The following MICAL3 variants were observed in gnomAD, a reference collection of about 807,000 sequenced individuals.
MICAL3 encodes microtubule associated monooxygenase, calponin and LIM domain containing 3.
In MICAL3, 62 loss-of-function variants were observed where a neutral mutation model predicts 207.4. The observed-to-expected ratio is 0.30, with a 90% CI of 0.24 to 0.37. MICAL3 has a LOEUF of 0.37. MICAL3 is among the 10% of genes least tolerant of loss of function. The pLI, the probability that MICAL3 is intolerant of heterozygous loss-of-function variation, is 1.00. For missense variants in MICAL3, 2,368 were observed against 2,635.6 expected (o/e 0.90, Z 2.22); for synonymous variants, 1,077 against 1,069.3 (o/e 1.01, Z -0.14).
At chr22:17,990,256 C>T (rs933034831) in intron 1 of MICAL3, among the ~76,000 whole-genome samples, 2 of 152,142 alleles carry the variant, frequency 1.3e-5, no homozygotes, top group Admixed American at 6.5e-5. Context: ...AAGAACTCCC[C>T]CTTGGAGGGC....
At chr22:17,820,834 T>C (rs1921507193) in intron 25 of MICAL3, among the ~76,000 whole-genome samples, 1 of 147,480 alleles carries the variant, frequency 6.8e-6, no homozygotes, top group Non-Finnish European at 1.5e-5. Context: ...TAATATATTA[T>C]AAATTTATAA....
rs747284771 is a variant in MICAL3 at position 17,884,357 on chromosome 22, A to C, written c.2241+1521T>G. 3.8e-6 allele frequency: 6 copies of C among 1,590,306 alleles called. No homozygotes were observed. In the South Asian group the frequency reaches 6.8e-5, roughly 18 times the overall value. ...CTGGCTGGCCCCACGCTCTTGTGTC[A>C]GCTGGGACACACAGGCCAAGTGTGG... On this transcript the variant is annotated intron_variant, in intron 16 of 31. Transcript: ENST00000441493.
chr22:17,955,257 G>A (rs906073059), intron 1 of MICAL3, among the ~76,000 whole-genome samples: 1 of 152,144 alleles, frequency 6.6e-6, no homozygotes, highest in Non-Finnish European at 1.5e-5. Flanking sequence ...GGGTAGAAGA[G>A]GAAAGCAGGC....
intron 1 of MICAL3, among the ~76,000 whole-genome samples, chr22:18,022,748 T>C (rs1924565486): frequency 6.6e-6 from 1 of 152,126 alleles, no homozygotes; most frequent in African/African-American, 2.4e-5. Flanking sequence ...GCTTTCTAAG[T>C]GTCCATTCTC....
intron 1 of MICAL3, among the ~76,000 whole-genome samples, chr22:18,010,722 G>A (rs1376387696): frequency 1.3e-5 from 2 of 152,202 alleles, no homozygotes; most frequent in Non-Finnish European, 2.9e-5. Flanking sequence ...CTGCCGGGAG[G>A]TGGAGACCTG....
chr22:17,948,793 G>A (rs1325968534), intron 1 of MICAL3, among the ~76,000 whole-genome samples: 1 of 151,742 alleles, frequency 6.6e-6, no homozygotes, highest in Admixed American at 6.6e-5. Flanking sequence ...TGTGCCTGTA[G>A]TCCCAGCTAC....
At chr22:17,986,752 G>A (rs1921058914) in intron 1 of MICAL3, among the ~76,000 whole-genome samples, 1 of 152,132 alleles carries the variant, frequency 6.6e-6, no homozygotes. Flanking sequence ...TACTCATAAG[G>A]AATTAAGGAA....
chr22:17,987,590 G>C (rs1269959498), intron 1 of MICAL3, among the ~76,000 whole-genome samples: 2 of 152,220 alleles, frequency 1.3e-5, no homozygotes, highest in African/African-American at 2.4e-5. Flanking sequence ...CACCTGTATG[G>C]AACAGCTGCC....
In MICAL3 at chr22:17,796,484, A is replaced by C. The variant is rs1879712083; in HGVS notation, c.5651-5183T>G. Among the ~76,000 whole-genome samples, 1 of 152,250 alleles carries C rather than the reference A, an allele frequency of 6.6e-6. No individual in the cohort carries two copies. Among genetic ancestry groups the C allele is most frequent in the Admixed American group, 6.5e-5 (1 of 15,286 alleles). On this transcript the variant is annotated intron_variant, in intron 29 of 31. Transcript: ENST00000441493. The surrounding 1 kb of genome is among the most constrained non-coding windows in gnomAD (Gnocchi z 4.4). ...TGTGGCTGCCAGGATGGGCAAATTC[A>C]AATGAGGGTTCTGAGGCTCAACGGA... is the stretch of plus-strand genomic sequence containing the variant.
rs1347229853 is a variant in MICAL3, at chr22:17,821,488, G to A, written c.3470C>T (p.Pro1157Leu). The A allele has an allele frequency of 6.5e-7, 1 of 1,541,236 alleles. No homozygotes were observed. The highest frequency in any genetic ancestry group is 8.7e-7 in the Non-Finnish European group (1 of 1,144,780). ...AGCTGATTCCTGGGGAGACCGGATG[G>A]GGCTGGTGGCTTGGGAGGGACCTGA... ...QERGPSQATS[P>L]IRSPQESALL... Residue 1157 changes from proline to leucine, a missense_variant, in exon 25 of 32, where the codon CCC becomes CTC. By Grantham distance (98) the Pro-to-Leu change is moderately conservative. Transcript: ENST00000441493.
intron 26 of MICAL3, 90 bp from the exon 27 acceptor site, chr22:17,816,874 G>A: frequency 2.1e-6 from 2 of 940,044 alleles, no homozygotes; most frequent in Non-Finnish European, 3.3e-6. Flanking sequence ...AGCCAAGGAG[G>A]CCGGGTGGGG....
chr22:18,010,818 T>G (rs1399289694), intron 1 of MICAL3, among the ~76,000 whole-genome samples: 1 of 152,030 alleles, frequency 6.6e-6, no homozygotes, highest in Admixed American at 6.6e-5. Flanking sequence ...GGGAGTTGGG[T>G]GTTTCAAAAT....
rs140979666 is a variant in MICAL3, at chr22:17,918,878, C to T, written c.-74-11992G>A. Reference sequence around the variant, plus strand: ...GGACTCTTCTACGCTCCAGAAATAACAGCAGTGAACAGAGAAAACAAGCTC... The same window carrying T: ...GGACTCTTCTACGCTCCAGAAATAATAGCAGTGAACAGAGAAAACAAGCTC... On this transcript the variant is annotated intron_variant, in intron 1 of 31. Coordinates refer to ENST00000441493, the MANE Select transcript of MICAL3 (RefSeq NM_015241.3). Among the ~76,000 whole-genome samples, 66 of 152,304 alleles carry T rather than the reference C, an allele frequency of 4.3e-4. 1 individual carries two copies. Among genetic ancestry groups the T allele is most frequent in the African/African-American group, 1.6e-3 (66 of 41,550 alleles).
chr22:17,873,802 C>A (rs895520632), intron 16 of MICAL3, among the ~76,000 whole-genome samples: 1 of 152,268 alleles, frequency 6.6e-6, no homozygotes, highest in Non-Finnish European at 1.5e-5. Context: ...CTTGACCTGT[C>A]CCGAGAGGAA....
rs1237969517 is a variant in MICAL3 at position 17,841,549 on chromosome 22, C to A, written c.2801+273G>T. The A allele has an allele frequency of 7.1e-6, 4 of 566,216 alleles. No homozygotes were observed. The highest frequency in any genetic ancestry group is 1.3e-5 in the Non-Finnish European group (4 of 317,140). The allele number at this position is 566,216 out of a possible 1,614,324, so 35.1% of individuals were successfully genotyped here. ...GTGAATAACCCGGGGGCAGAGCCTG[C>A]CACTTTCCTTCCCAATGACAGACTT... On this transcript the variant is annotated intron_variant, in intron 20 of 31. Transcript: ENST00000441493. The surrounding 1 kb of genome is among the most constrained non-coding windows in gnomAD (Gnocchi z 4.2).
intron 1 of MICAL3, among the ~76,000 whole-genome samples, chr22:17,995,356 T>C (rs1458156755): frequency 2.0e-5 from 3 of 151,998 alleles, no homozygotes; most frequent in African/African-American, 7.2e-5. Flanking sequence ...TTTAAAATTT[T>C]TGTAGAGACA....
chr22:18,012,647 C>G (rs1385789591), intron 1 of MICAL3, among the ~76,000 whole-genome samples: 1 of 152,260 alleles, frequency 6.6e-6, no homozygotes, highest in Non-Finnish European at 1.5e-5. Context: ...CAGTTTACCT[C>G]AGATATTTGC....
intron 1 of MICAL3, among the ~76,000 whole-genome samples, chr22:17,930,768 C>T (rs932909354): frequency 3.2e-4 from 49 of 152,216 alleles, no homozygotes; most frequent in Non-Finnish European, 2.4e-4. Context: ...CAGGAAGTTC[C>T]GTAAAGCTTG....
At chr22:17,794,759 G>C (rs1039789249) in intron 29 of MICAL3, among the ~76,000 whole-genome samples, 2 of 152,220 alleles carry the variant, frequency 1.3e-5, no homozygotes. Flanking sequence ...GAGGAGTGCT[G>C]ACGGGGCATC....
Sources: allele counts gnomAD v4.1 joint callset (sites outside exome capture counted in the v4.1 genomes callset), GRCh38; gene constraint gnomAD v4.1.1; non-coding constraint Gnocchi (gnomAD v3.1); transcripts MANE v1.5; gene names NCBI Gene and HGNC (gene_info 2026-07-23, HGNC 2026-07-21).